The following FOXN1 variants were observed in gnomAD, a reference collection of about 807,000 sequenced individuals.
FOXN1 encodes the protein forkhead box N1, also known as forkhead box protein N1.
A neutral mutation model predicts 49.0 loss-of-function variants in FOXN1; 15 were observed. The ratio of observed to expected loss-of-function variants is 0.31; its 90% CI spans 0.20 to 0.47. The LOEUF (loss-of-function observed/expected upper bound fraction) is 0.47, where lower values mean the gene tolerates loss of function less well. FOXN1 is among the 20% of genes least tolerant of loss of function. FOXN1 has a pLI of 1.00. For synonymous variants in FOXN1, 356 were observed against 369.0 expected (o/e 0.96, Z 0.40); for missense variants, 800 against 842.8 (o/e 0.95, Z 0.63).
intron 1 of FOXN1, among the ~76,000 whole-genome samples, chr17:28,512,390 C>A (rs1597530898): frequency 6.6e-6 from 1 of 152,234 alleles, no homozygotes; most frequent in Non-Finnish European, 1.5e-5. Context: ...GTCCAGCTTT[C>A]CAGTCAAGCC....
At position 28,524,035 on chromosome 17, in the gene FOXN1, G is replaced by A; in HGVS notation, c.66G>A (p.Glu22=). 1.2e-6 allele frequency: 2 copies of A among 1,612,192 alleles called. No individual in the cohort carries two copies. Among genetic ancestry groups the A allele is most frequent in the Admixed American group, 1.7e-5 (1 of 59,974 alleles). The part of the protein sequence containing the change: ...TLPGPTRLEG[E]RQGDLMQAPG... ...CGGGCCCCACCAGACTGGAGGGCGA[G>A]CGCCAAGGGGACCTCATGCAGGCAC... Residue 22 remains glutamate, a synonymous_variant, in exon 2 of 9, where the codon GAG becomes GAA. Coordinates refer to ENST00000579795, the MANE Select transcript of FOXN1 (RefSeq NM_001369369.1).
intron 6 of FOXN1, among the ~76,000 whole-genome samples, chr17:28,531,804 C>A (rs1003225036): frequency 6.6e-6 from 1 of 152,194 alleles, no homozygotes; most frequent in Non-Finnish European, 1.5e-5. Flanking sequence ...CTGCCCCCAC[C>A]ATCTATGGTC....
intron 1 of FOXN1, among the ~76,000 whole-genome samples, chr17:28,508,678 G>T (rs1555606496): frequency 6.6e-6 from 1 of 152,110 alleles, no homozygotes; most frequent in Non-Finnish European, 1.5e-5. Flanking sequence ...TTGCTTGGGC[G>T]CTGGCAGGGA....
intron 1 of FOXN1, among the ~76,000 whole-genome samples, chr17:28,518,114 C>CAGGGTACACACCTCCAT (rs1338852073): frequency 4.6e-5 from 7 of 152,020 alleles, no homozygotes; most frequent in African/African-American, 1.7e-4. Context: ...CACACCTCCA[C>CAGGGTACACACCTCCAT]AGGGTACACA....
intron 8 of FOXN1, among the ~76,000 whole-genome samples, chr17:28,536,873 C>A (rs559814033): frequency 6.6e-6 from 1 of 152,146 alleles, no homozygotes; most frequent in Admixed American, 6.5e-5. Context: ...TGCCCACCCC[C>A]CAAAAAGAAC....
Position 28,511,400 on chromosome 17 carries a change from C to T in FOXN1, c.-15+4957C>T, listed in dbSNP as rs568692549. On this transcript the variant is annotated intron_variant, in intron 1 of 8. Transcript: ENST00000579795. Reference sequence around the variant, plus strand: ...AGTGGGATCCTGGGCCATTTCTTTGCCCCCACTCAGGTGGACAGGCAAAGA... The same window carrying T: ...AGTGGGATCCTGGGCCATTTCTTTGTCCCCACTCAGGTGGACAGGCAAAGA... Among the ~76,000 whole-genome samples the T allele has an allele frequency of 3.3e-5, 5 of 152,274 alleles. No individual in the cohort carries two copies. The East Asian group carries it at 9.7e-4, about 29-fold the overall frequency.
At chr17:28,535,247 A>G (rs1473005057) in intron 8 of FOXN1, 49 bp downstream of exon 8, 1 of 1,592,962 alleles carries the variant, frequency 6.3e-7, no homozygotes, top group Non-Finnish European at 8.5e-7. Flanking sequence ...GGAGAGGAGC[A>G]CCTGGCAGTG....
At chr17:28,527,219 C>T (rs369200003) in intron 3 of FOXN1, 32 bp from the exon 4 acceptor site, 18 of 1,426,940 alleles carry the variant, frequency 1.3e-5, no homozygotes, top group Non-Finnish European at 1.7e-5. Context: ...AAAATAAGGC[C>T]TAATCTAGTC....
At chr17:28,513,227 C>G (rs1371029015) in intron 1 of FOXN1, among the ~76,000 whole-genome samples, 2 of 152,130 alleles carry the variant, frequency 1.3e-5, no homozygotes, top group African/African-American at 4.8e-5. Flanking sequence ...CAAGATTGCA[C>G]CACTGCACTC....
intron 1 of FOXN1, among the ~76,000 whole-genome samples, chr17:28,519,646 A>T (rs940003211): frequency 6.6e-6 from 1 of 152,092 alleles, no homozygotes; most frequent in Non-Finnish European, 1.5e-5. Context: ...TCTATGAAAG[A>T]TCCCTTCTGA....
In FOXN1 at chr17:28,537,451, C is replaced by T. The variant is rs557508550; in HGVS notation, c.*15C>T. On this transcript the variant is annotated 3_prime_UTR_variant, in exon 9 of 9. Coordinates refer to ENST00000579795, the MANE Select transcript of FOXN1 (RefSeq NM_001369369.1). ...CCCTGGCATGAGCTGTGCCCAGCTT[C>T]GTCAGCTCCAGCGTTTGCCTGGTCT... 4.1e-5 allele frequency: 65 copies of T among 1,602,512 alleles called. No individual in the cohort carries two copies. Among genetic ancestry groups the T allele is most frequent in the Middle Eastern group, 3.3e-4 (2 of 6,046 alleles).
At chr17:28,523,818 CTCTCTCTCTCTCTCA>C in intron 1 of FOXN1, 123 bp from the exon 2 acceptor site, 1 of 492,078 alleles carries the variant, frequency 2.0e-6, no homozygotes. Context: ...CTCTCTCTCT[CTCTCTCTCTCTCTCA>C]TCAGATGGCT....
chr17:28,513,126 A>G (rs573685154), intron 1 of FOXN1, among the ~76,000 whole-genome samples: 6 of 152,198 alleles, frequency 3.9e-5, no homozygotes, highest in Non-Finnish European at 8.8e-5. Flanking sequence ...AAAGTTAACC[A>G]GACTTGGTGC....
intron 1 of FOXN1, 142 bp from the exon 2 acceptor site, chr17:28,523,792 TTCTCTCTCTCTCTCTCTCTCTC>T (rs10527420): frequency 4.6e-5 from 30 of 650,272 alleles, no homozygotes; most frequent in African/African-American, 5.8e-5. Flanking sequence ...CGCTCTCTGG[TTCTCTCTCTCTCTCTCTCTCTC>T]TCTCTCTCTC....
intron 1 of FOXN1, among the ~76,000 whole-genome samples, chr17:28,509,624 T>C (rs1227236724): frequency 6.6e-6 from 1 of 152,192 alleles, no homozygotes; most frequent in African/African-American, 2.4e-5. Flanking sequence ...AGCTTCCTCA[T>C]CCTATCTGGG....
chr17:28,521,782 T>C (rs2069647009), intron 1 of FOXN1, among the ~76,000 whole-genome samples: 1 of 152,214 alleles, frequency 6.6e-6, no homozygotes, highest in Admixed American at 6.5e-5. Context: ...CCCCTCATTT[T>C]CCCTGTTACC....
At position 28,534,315 on chromosome 17, in the gene FOXN1, T is replaced by C. The variant is rs1490941927; in HGVS notation, c.928-16T>C. ...CTGAGCCTGGCCTGAATGCTTGTCT[T>C]GCTCTGTTCCGGCAGACAGCACCCG... On this transcript the variant is annotated splice_polypyrimidine_tract_variant and intron_variant, in intron 6 of 8. Transcript: ENST00000579795. This position sits in a 1 kb window ranked among gnomAD's most constrained non-coding sequence, Gnocchi z 4.1. 3 of 1,614,122 alleles carry C rather than the reference T, an allele frequency of 1.9e-6. No individual in the cohort carries two copies. Among genetic ancestry groups the C allele is most frequent in the Non-Finnish European group, 2.5e-6 (3 of 1,180,008 alleles).
At chr17:28,532,759 G>T (rs1480057205) in intron 6 of FOXN1, among the ~76,000 whole-genome samples, 1 of 152,246 alleles carries the variant, frequency 6.6e-6, no homozygotes, top group Non-Finnish European at 1.5e-5. Flanking sequence ...GTGGGGCTGG[G>T]GAAGTGTCCA....
At chr17:28,528,934 G>A (rs990682443) in intron 4 of FOXN1, among the ~76,000 whole-genome samples, 160 bp from the exon 5 acceptor site, 3 of 147,042 alleles carry the variant, frequency 2.0e-5, no homozygotes. Context: ...TCTCCTCACA[G>A]CCCCTCAGAC....
Sources: gnomAD v4.1 joint callset for allele counts (sites outside exome capture counted in the v4.1 genomes callset) on GRCh38, gnomAD v4.1.1 for gene constraint, Gnocchi (gnomAD v3.1) non-coding constraint, MANE v1.5 for transcripts, NCBI Gene and HGNC (gene_info 2026-07-23, HGNC 2026-07-21) for gene names.